SNAP47: variants seen among roughly 807,000 people sequenced by gnomAD.
SNAP47 encodes synaptosome associated protein 47, also known as synaptosomal-associated protein 47.
In SNAP47, 20 loss-of-function variants were observed where a neutral mutation model predicts 31.4. That is an observed-to-expected ratio of 0.64 (90% confidence interval 0.45 to 0.93). The LOEUF (loss-of-function observed/expected upper bound fraction) is 0.93, where lower values mean the gene tolerates loss of function less well. Among genes scored for constraint, SNAP47 ranks in the 40% least tolerant of loss-of-function variants. SNAP47 has a pLI of 0.00. For synonymous variants in SNAP47, 194 were observed against 213.4 expected (o/e 0.91, Z 0.79); for missense variants, 492 against 528.5 (o/e 0.93, Z 0.68).
chr1:227,775,845 G>A, intron 4 of SNAP47: 1 of 1,304,136 alleles, frequency 7.7e-7, no homozygotes, highest in Non-Finnish European at 1.0e-6. Context: ...TTTGCTCCGA[G>A]TCTGCAGGAG....
At position 227,751,478 on chromosome 1, in the gene SNAP47, C is replaced by T. The variant is rs564053527; in HGVS notation, c.497+3245C>T. Among the ~76,000 whole-genome samples, 9 of 152,326 alleles carry T rather than the reference C, an allele frequency of 5.9e-5. No individual in the cohort carries two copies. The East Asian group carries it at 1.7e-3, about 29-fold the overall frequency. ...CTTCTTAGTGCTGGTGCTCAGAGTT[C>T]TTTCCCGCCAGGCAGGAGGATTGAG... On this transcript the variant is annotated intron_variant, in intron 2 of 4. Transcript: ENST00000617596.
At chr1:227,746,363 A>G (rs1367034708) in intron 1 of SNAP47, 1 of 152,240 alleles carries the variant, frequency 6.6e-6, no homozygotes, top group Non-Finnish European at 1.5e-5. Context: ...CAGTGGTTGC[A>G]CACCCTGTGG....
At chr1:227,752,152 G>A (rs1165865728) in intron 2 of SNAP47, among the ~76,000 whole-genome samples, 1 of 152,174 alleles carries the variant, frequency 6.6e-6, no homozygotes, top group Non-Finnish European at 1.5e-5. Context: ...CATGTGGCTT[G>A]GTGATGCAGT....
chr1:227,777,764 C>T (rs775930277), intron 4 of SNAP47, among the ~76,000 whole-genome samples: 5 of 152,174 alleles, frequency 3.3e-5, no homozygotes, highest in African/African-American at 4.8e-5. Context: ...ACACTCCAGT[C>T]AGAGAGCCAG....
In SNAP47 at chr1:227,759,056, C is replaced by G; in HGVS notation, c.559C>G (p.Pro187Ala). The G allele has an allele frequency of 6.2e-7, 1 of 1,613,948 alleles. No individual in the cohort carries two copies. Among genetic ancestry groups the G allele is most frequent in the Non-Finnish European group, 8.5e-7 (1 of 1,179,946 alleles). ...WPFSSKLWKT[P>A]PETKPREDVS... ...CTTTAGCTCCAAGCTTTGGAAGACACCACCGGAAACAAAGCCCAGGGAAGA... is the reference window on the plus strand; with the variant it reads ...CTTTAGCTCCAAGCTTTGGAAGACAGCACCGGAAACAAAGCCCAGGGAAGA... Residue 187 changes from proline to alanine, a missense_variant, in exon 3 of 5, where the codon CCA (proline) becomes GCA (alanine). Pro to Ala is a conservative substitution (Grantham distance 27). Coordinates refer to ENST00000617596, the MANE Select transcript of SNAP47 (RefSeq NM_053052.4).
intron 4 of SNAP47, among the ~76,000 whole-genome samples, chr1:227,772,259 A>G (rs954183808): frequency 2.0e-5 from 3 of 152,124 alleles, no homozygotes; most frequent in East Asian, 1.9e-4. Flanking sequence ...TAAGTGTACA[A>G]TTCAGTGGAG....
chr1:227,736,342 G>A (rs1472730663), intron 1 of SNAP47: 3 of 152,332 alleles, frequency 2.0e-5, no homozygotes, highest in Non-Finnish European at 4.4e-5. Context: ...CAGGGCTGAA[G>A]TGGGAGGACA....
chr1:227,769,001 G>T (rs542133444), intron 4 of SNAP47, among the ~76,000 whole-genome samples: 1 of 152,400 alleles, frequency 6.6e-6, no homozygotes, highest in East Asian at 1.9e-4. Context: ...TGGCCATGTA[G>T]TTGGAGAGGC....
At chr1:227,759,513 G>C in intron 3 of SNAP47, 28 bp downstream of exon 3, 2 of 1,601,444 alleles carry the variant, frequency 1.2e-6, no homozygotes, top group Non-Finnish European at 1.7e-6. Flanking sequence ...CAGTGAGCGC[G>C]TGCACAGACT....
chr1:227,758,325 C>A (rs191435782), intron 2 of SNAP47, among the ~76,000 whole-genome samples: 85 of 152,348 alleles, frequency 5.6e-4, no homozygotes, highest in African/African-American at 1.9e-3. Flanking sequence ...GAGATTCATC[C>A]TGCAAGACGT....
intron 4 of SNAP47, among the ~76,000 whole-genome samples, chr1:227,770,404 CTT>C (rs568686458): frequency 3.0e-4 from 46 of 152,244 alleles, no homozygotes; most frequent in African/African-American, 9.9e-4. Context: ...GTCCTCACGT[CTT>C]TGTTTGGCAG....
chr1:227,742,460 G>A (rs185427087), intron 1 of SNAP47, among the ~76,000 whole-genome samples: 6 of 152,270 alleles, frequency 3.9e-5, no homozygotes, highest in Admixed American at 2.6e-4. Flanking sequence ...TTATTTTGAC[G>A]GTGGGTAAAA....
chr1:227,759,937 T>A (rs1294314495), intron 3 of SNAP47, among the ~76,000 whole-genome samples: 1 of 152,166 alleles, frequency 6.6e-6, no homozygotes, highest in Non-Finnish European at 1.5e-5. Flanking sequence ...AAGAGTGGGT[T>A]GTTAGGAGGC....
At chr1:227,735,703 C>T in intron 1 of SNAP47, 1 of 984,638 alleles carries the variant, frequency 1.0e-6, no homozygotes, top group South Asian at 4.7e-5. Context: ...GCGGGGGCGC[C>T]CAGGGATGAT....
intron 1 of SNAP47, among the ~76,000 whole-genome samples, chr1:227,744,516 A>G (rs1661828008): frequency 6.6e-6 from 1 of 152,062 alleles, no homozygotes; most frequent in South Asian, 2.1e-4. Context: ...TTTTGTATAT[A>G]TTGAGCACAT....
Position 227,763,993 on chromosome 1 carries a change from C to T in SNAP47, c.989-2966C>T, listed in dbSNP as rs1663230290. 6.6e-6 allele frequency among the ~76,000 whole-genome samples: 1 copy of T among 152,182 alleles called. No individual in the cohort carries two copies. Among genetic ancestry groups the T allele is most frequent in the Non-Finnish European group, 1.5e-5 (1 of 68,030 alleles). On this transcript the variant is annotated intron_variant, in intron 3 of 4. Transcript: ENST00000617596. This position sits in a 1 kb window ranked among gnomAD's most constrained non-coding sequence, Gnocchi z 4.2. ...TCCAGATGACCAAGACATTCTGCAGCCAGCAGTGTGCCCTGGGCTCTTCCT... is the reference window on the plus strand; with the variant it reads ...TCCAGATGACCAAGACATTCTGCAGTCAGCAGTGTGCCCTGGGCTCTTCCT...
chr1:227,735,067 C>CCGCCGGCTG, upstream of SNAP47: 1 of 1,558,856 alleles, frequency 6.4e-7, no homozygotes. Flanking sequence ...TCACCCAGCG[C>CCGCCGGCTG]CGCCGGCTGC....
rs115275145 is a variant in SNAP47 at position 227,777,225 on chromosome 1, C to T, written c.1114-3302C>T. ...GGGTTACGTAGTGAAGTTTTCCATA[C>T]ATGAAACATAAAGTGATCACATCAC... is the stretch of plus-strand genomic sequence containing the variant. On this transcript the variant is annotated intron_variant, in intron 4 of 4. Transcript: ENST00000617596. The T allele has an allele frequency of 1.7e-3, 813 of 469,722 alleles. 5 individuals carry two copies. The highest frequency in any genetic ancestry group is 0.016 in the African/African-American group (733 of 47,244). 29.1% of individuals were successfully genotyped at this position (469,722 alleles called of 1,614,324 possible). A position where few individuals can be genotyped will look rare whatever the true frequency, so the allele number is the denominator to read the frequency against.
chr1:227,768,457 C>T (rs576551851), intron 4 of SNAP47: 31 of 345,924 alleles, frequency 9.0e-5, no homozygotes, highest in Admixed American at 5.2e-4. Flanking sequence ...TGGATAAAGA[C>T]ACTCTGTCTC....
Sources: allele counts gnomAD v4.1 joint callset (sites outside exome capture counted in the v4.1 genomes callset), GRCh38; gene constraint gnomAD v4.1.1; non-coding constraint Gnocchi (gnomAD v3.1); transcripts MANE v1.5; gene names NCBI Gene and HGNC (gene_info 2026-07-23, HGNC 2026-07-21).